Variants in CHMP4B observed in about 807,000 individuals in gnomAD.
CHMP4B encodes SNF7 homolog associated with Alix 1.
CHMP4B carries 1 observed loss-of-function variant against 25.1 expected under a neutral mutation model. The observed-to-expected ratio is 0.04, with a 90% CI of 0.01 to 0.19. The LOEUF (loss-of-function observed/expected upper bound fraction) is 0.19. Ranked by LOEUF, CHMP4B falls within the 10% of genes least tolerant of loss-of-function variation. The pLI, the probability that CHMP4B is intolerant of heterozygous loss-of-function variation, is 1.00. For missense variants in CHMP4B, 151 were observed against 289.7 expected (o/e 0.52, Z 3.48); for synonymous variants, 101 against 115.6 (o/e 0.87, Z 0.81).
Position 33,853,907 on chromosome 20 carries a change from G to T in CHMP4B, c.*347G>T. On this transcript the variant is annotated 3_prime_UTR_variant, in exon 5 of 5. Coordinates refer to ENST00000217402, the MANE Select transcript of CHMP4B (RefSeq NM_176812.5). ...AGGGTCGACTGGTTGCAGTTGAAAT[G>T]ACCTGAAATGTAGCCTCTGTCCTTG... 2 of 394,440 alleles carry T rather than the reference G, an allele frequency of 5.1e-6. No homozygotes were observed. Among genetic ancestry groups the T allele is most frequent in the South Asian group, 4.9e-5 (2 of 40,828 alleles). The allele number at this position is 394,440 out of a possible 1,614,324, so 24.4% of individuals were successfully genotyped here.
intron 1 of CHMP4B, among the ~76,000 whole-genome samples, chr20:33,821,497 G>A (rs1302884036): frequency 6.6e-6 from 1 of 152,190 alleles, no homozygotes; most frequent in African/African-American, 2.4e-5. Flanking sequence ...TCCCTGCAGA[G>A]GTTTGGAGAG....
chr20:33,834,997 T>C (rs928861603), intron 1 of CHMP4B, among the ~76,000 whole-genome samples: 2 of 152,130 alleles, frequency 1.3e-5, no homozygotes, highest in African/African-American at 2.4e-5. Flanking sequence ...AGTTTCACCA[T>C]GTTGGCCAGG....
At chr20:33,832,886 C>T (rs1274314385) in intron 1 of CHMP4B, among the ~76,000 whole-genome samples, 2 of 151,674 alleles carry the variant, frequency 1.3e-5, no homozygotes, top group Non-Finnish European at 2.9e-5. Context: ...TCAAGCAATC[C>T]TCTCGCCTCA....
At chr20:33,843,470 C>T (rs1317745085) in intron 1 of CHMP4B, among the ~76,000 whole-genome samples, 1 of 152,204 alleles carries the variant, frequency 6.6e-6, no homozygotes, top group Non-Finnish European at 1.5e-5. Flanking sequence ...TTTCTTTAGA[C>T]ACCTCTTTTT....
chr20:33,819,902 T>A (rs1978887181), intron 1 of CHMP4B, among the ~76,000 whole-genome samples: 1 of 152,242 alleles, frequency 6.6e-6, no homozygotes, highest in African/African-American at 2.4e-5. Context: ...GCGTGGTGGC[T>A]CACGCCTGTA....
chr20:33,850,161 ATT>A (rs983124340), intron 2 of CHMP4B, among the ~76,000 whole-genome samples: 1 of 152,222 alleles, frequency 6.6e-6, no homozygotes, highest in Non-Finnish European at 1.5e-5. Context: ...AGGGTTAAGT[ATT>A]TGCAACAGAG....
rs1241713882 is a variant in CHMP4B at position 33,853,609 on chromosome 20, G to A, written c.*49G>A. On this transcript the variant is annotated 3_prime_UTR_variant, in exon 5 of 5. Coordinates refer to ENST00000217402, the MANE Select transcript of CHMP4B (RefSeq NM_176812.5). ...CAGACAGACTGTGGTGGCCTGCGCA[G>A]CGAGCAGGCGTGTGCGTGTGTGGGG... 1.3e-6 allele frequency: 2 copies of A among 1,516,796 alleles called. No homozygotes were observed. The highest frequency in any genetic ancestry group is 1.1e-5 in the South Asian group (1 of 89,210). The allele number at this position is 1,516,796 out of a possible 1,614,324, so 94.0% of individuals were successfully genotyped here.
intron 1 of CHMP4B, among the ~76,000 whole-genome samples, chr20:33,821,135 C>T (rs1978928120): frequency 6.6e-6 from 1 of 152,046 alleles, no homozygotes; most frequent in African/African-American, 2.4e-5. Flanking sequence ...GCCTGTAATC[C>T]CAGCACTTTG....
chr20:33,830,933 G>GTTTTTT (rs55917511), intron 1 of CHMP4B, among the ~76,000 whole-genome samples: 1 of 102,524 alleles, frequency 9.8e-6, no homozygotes, highest in South Asian at 3.8e-4. Flanking sequence ...AAGGAACAGA[G>GTTTTTT]TTTTTTTTTT....
intron 1 of CHMP4B, among the ~76,000 whole-genome samples, chr20:33,824,063 C>A (rs1979020430): frequency 6.6e-6 from 1 of 152,178 alleles, no homozygotes; most frequent in Admixed American, 6.5e-5. Flanking sequence ...ATTCCCTGTA[C>A]AATATGAGCA....
chr20:33,821,994 T>A (rs1179010632), intron 1 of CHMP4B, among the ~76,000 whole-genome samples: 2 of 142,306 alleles, frequency 1.4e-5, no homozygotes, highest in South Asian at 2.1e-4. Flanking sequence ...ATTTTTGTAT[T>A]TTTTTTTTTT....
chr20:33,853,630 T>G lies in CHMP4B; in HGVS notation c.*70T>G. On this transcript the variant is annotated 3_prime_UTR_variant, in exon 5 of 5. Coordinates refer to ENST00000217402, the MANE Select transcript of CHMP4B (RefSeq NM_176812.5). ...CGCAGCGAGCAGGCGTGTGCGTGTGTGGGGCAGGCAGGATGTGGTGCAGGC... is the reference window on the plus strand; with the variant it reads ...CGCAGCGAGCAGGCGTGTGCGTGTGGGGGGCAGGCAGGATGTGGTGCAGGC... 2 of 1,389,608 alleles carry G rather than the reference T, an allele frequency of 1.4e-6. No homozygotes were observed. The highest frequency in any genetic ancestry group is 2.0e-6 in the Non-Finnish European group (2 of 976,954). The allele number at this position is 1,389,608 out of a possible 1,614,324, so 86.1% of individuals were successfully genotyped here.
intron 1 of CHMP4B, among the ~76,000 whole-genome samples, chr20:33,837,209 C>T (rs890758667): frequency 6.6e-6 from 1 of 152,044 alleles, no homozygotes; most frequent in African/African-American, 2.4e-5. Flanking sequence ...TGCTTGAGCT[C>T]AGGAGTTGGA....
intron 1 of CHMP4B, among the ~76,000 whole-genome samples, chr20:33,826,534 G>T (rs183481047): frequency 6.6e-6 from 1 of 152,282 alleles, no homozygotes; most frequent in Non-Finnish European, 1.5e-5. Context: ...AGTTTGCTGG[G>T]ACCAGCAGCT....
intron 1 of CHMP4B, among the ~76,000 whole-genome samples, chr20:33,825,772 C>T (rs961157551): frequency 2.0e-5 from 3 of 152,182 alleles, no homozygotes; most frequent in African/African-American, 4.8e-5. Context: ...TTTGCAGAAC[C>T]TCTCATCTCA....
intron 1 of CHMP4B, among the ~76,000 whole-genome samples, chr20:33,832,648 C>T (rs1187304562): frequency 6.6e-6 from 1 of 152,162 alleles, no homozygotes; most frequent in Admixed American, 6.5e-5. Flanking sequence ...TTACAAGGCC[C>T]TGAGGTAGTC....
intron 1 of CHMP4B, among the ~76,000 whole-genome samples, chr20:33,816,341 A>C (rs953394435): frequency 1.3e-5 from 2 of 152,154 alleles, no homozygotes; most frequent in Non-Finnish European, 2.9e-5. Flanking sequence ...AGGATTAACT[A>C]AGGTAATATA....
intron 1 of CHMP4B, among the ~76,000 whole-genome samples, chr20:33,815,472 C>T (rs1010632889): frequency 2.0e-5 from 3 of 152,082 alleles, no homozygotes; most frequent in Non-Finnish European, 2.9e-5. Context: ...GATGATTCCC[C>T]AGTTCATAGC....
At chr20:33,816,193 T>C (rs1212771177) in intron 1 of CHMP4B, among the ~76,000 whole-genome samples, 1 of 152,190 alleles carries the variant, frequency 6.6e-6, no homozygotes, top group Non-Finnish European at 1.5e-5. Context: ...TTCTTAAGCA[T>C]GTGGCAGGCC....
Sources: gnomAD v4.1 joint callset for allele counts (sites outside exome capture counted in the v4.1 genomes callset) on GRCh38, gnomAD v4.1.1 for gene constraint, MANE v1.5 for transcripts, NCBI Gene and HGNC (gene_info 2026-07-23, HGNC 2026-07-21) for gene names.